CDYL2: variants seen among roughly 807,000 people sequenced by gnomAD.
CDYL2 encodes the protein chromodomain Y-like protein 2.
A neutral mutation model predicts 49.4 loss-of-function variants in CDYL2; 23 were observed. The observed-to-expected ratio is 0.47, with a 90% CI of 0.34 to 0.66. The LOEUF (loss-of-function observed/expected upper bound fraction) is 0.66, where lower values mean the gene tolerates loss of function less well. Among genes scored for constraint, CDYL2 ranks in the 30% least tolerant of loss-of-function variants. The pLI is 0.01. For missense variants in CDYL2, 678 were observed against 656.4 expected (o/e 1.03, Z -0.36); for synonymous variants, 360 against 268.8 (o/e 1.34, Z -3.32).
At position 80,734,870 on chromosome 16, in the gene CDYL2, C is replaced by A. The variant is rs138006109; in HGVS notation, c.25-49741G>T. ...AGAAGTCATAATGGACCTGCCACCA[C>A]GATATGGTCCAATGACTGACAATCC... On this transcript the variant is annotated intron_variant, in intron 1 of 6. Transcript: ENST00000570137. Among the ~76,000 whole-genome samples the A allele has an allele frequency of 6.6e-5, 10 of 152,288 alleles. No individual in the cohort carries two copies. The East Asian group carries it at 1.9e-3, about 29-fold the overall frequency.
In CDYL2 at chr16:80,804,542, GCGC is replaced by G. The variant is rs1908041061; in HGVS notation, c.-372_-370del. Among the ~76,000 whole-genome samples, 1 of 144,256 alleles carries G rather than the reference GCGC, an allele frequency of 6.9e-6. No homozygotes were observed. Among genetic ancestry groups the G allele is most frequent in the Non-Finnish European group, 1.5e-5 (1 of 65,090 alleles). 94.6% of individuals were successfully genotyped at this position (144,256 alleles called of 152,430 possible). ...CTGCAGCCGGCAACGGCTCGCCCCG[GCGC>G]CGCCTGCAGGAAGCCGCCCGGCGCC... On this transcript the variant is annotated 5_prime_UTR_variant, in exon 1 of 7. Transcript: ENST00000570137.
At chr16:80,687,347 T>A (rs893968496) in intron 1 of CDYL2, among the ~76,000 whole-genome samples, 1 of 152,134 alleles carries the variant, frequency 6.6e-6, no homozygotes, top group South Asian at 2.1e-4. Context: ...GTTAGACAAA[T>A]AGCCAACACA....
intron 2 of CDYL2, among the ~76,000 whole-genome samples, chr16:80,647,560 G>C (rs1159485208): frequency 6.6e-6 from 1 of 152,068 alleles, no homozygotes; most frequent in Non-Finnish European, 1.5e-5. Context: ...TATTATTAGA[G>C]CTAAAGAGAC....
intron 3 of CDYL2, among the ~76,000 whole-genome samples, chr16:80,627,067 A>T (rs1233573995): frequency 6.6e-6 from 1 of 152,192 alleles, no homozygotes; most frequent in Non-Finnish European, 1.5e-5. Context: ...TTTTGGTGGA[A>T]AAAACAGGGC....
intron 1 of CDYL2, among the ~76,000 whole-genome samples, chr16:80,730,833 C>G (rs907958039): frequency 6.6e-6 from 1 of 152,102 alleles, no homozygotes; most frequent in Non-Finnish European, 1.5e-5. Context: ...AGTAATTATA[C>G]TTAAAGAAGC....
intron 1 of CDYL2, among the ~76,000 whole-genome samples, chr16:80,729,735 A>G (rs532155824): frequency 6.6e-6 from 1 of 152,320 alleles, no homozygotes; most frequent in African/African-American, 2.4e-5. Context: ...AAAGAACAGA[A>G]ATTATAACAA....
intron 1 of CDYL2, among the ~76,000 whole-genome samples, chr16:80,791,850 G>C (rs1036416493): frequency 6.6e-6 from 1 of 152,162 alleles, no homozygotes; most frequent in Non-Finnish European, 1.5e-5. Flanking sequence ...GGACATTGTT[G>C]AAAGACTCAT....
chr16:80,621,596 A>C (rs1381329571), intron 3 of CDYL2, among the ~76,000 whole-genome samples: 2 of 152,262 alleles, frequency 1.3e-5, no homozygotes, highest in African/African-American at 4.8e-5. Context: ...CCTCCAGTGA[A>C]GAATAAATGA....
At chr16:80,680,082 T>C (rs575913731) in intron 2 of CDYL2, among the ~76,000 whole-genome samples, 1 of 152,332 alleles carries the variant, frequency 6.6e-6, no homozygotes, top group South Asian at 2.1e-4. Context: ...GGAAAAATGA[T>C]AATCATGTTG....
chr16:80,638,835 A>T (rs1055774642), intron 2 of CDYL2, among the ~76,000 whole-genome samples: 1 of 152,214 alleles, frequency 6.6e-6, no homozygotes, highest in African/African-American at 2.4e-5. Context: ...AATTAACTCA[A>T]TATGAATCAT....
chr16:80,608,208 T>G lies in CDYL2; in HGVS notation c.1246A>C (p.Lys416Gln). 1.3e-6 allele frequency: 2 copies of G among 1,589,010 alleles called. No homozygotes were observed. The highest frequency in any genetic ancestry group is 1.7e-6 in the Non-Finnish European group (2 of 1,167,082). The stretch of plus-strand genomic sequence containing the variant: ...CTGCAGGCCTCCTGGGCGGTGAGCT[T>G]CCGCCCACAGAACAGCATCTCATTG... ...LANEMLFCGRKLTAQEACSRG... is the reference protein window; with the variant it reads ...LANEMLFCGRQLTAQEACSRG... The change falls in exon 6 of 7, where the codon AAG becomes CAG. Residue 416 changes from lysine to glutamine, a missense_variant. Physicochemically the swap from Lys to Gln is moderately conservative, Grantham distance 53 (BLOSUM62 1). Coordinates refer to ENST00000570137, the MANE Select transcript of CDYL2 (RefSeq NM_152342.4).
intron 1 of CDYL2, among the ~76,000 whole-genome samples, chr16:80,774,436 C>T (rs1305569217): frequency 6.6e-6 from 1 of 152,022 alleles, no homozygotes; most frequent in African/African-American, 2.4e-5. Context: ...TCAACAGGTG[C>T]AAAGCTTCAG....
chr16:80,666,995 G>C lies in CDYL2; in HGVS notation c.616+17543C>G, dbSNP rs148674758. Among the ~76,000 whole-genome samples the C allele has an allele frequency of 3.3e-3, 501 of 152,334 alleles. 4 individuals are homozygous for C. Among genetic ancestry groups the C allele is most frequent in the African/African-American group, 0.012 (484 of 41,566 alleles). ...GAGGCAGAGATTACCCGAATAATCAGTGTGACCACTACAAACCGAGGTCAG... is the reference window on the plus strand; with the variant it reads ...GAGGCAGAGATTACCCGAATAATCACTGTGACCACTACAAACCGAGGTCAG... On this transcript the variant is annotated intron_variant, in intron 2 of 6. Coordinates refer to ENST00000570137, the MANE Select transcript of CDYL2 (RefSeq NM_152342.4).
At chr16:80,656,091 T>C (rs186814637) in intron 2 of CDYL2, among the ~76,000 whole-genome samples, 1 of 152,310 alleles carries the variant, frequency 6.6e-6, no homozygotes, top group East Asian at 1.9e-4. Context: ...TGAGATTCAA[T>C]CTTACTTAGT....
chr16:80,628,070 C>T (rs1907383592), intron 3 of CDYL2: 2 of 152,228 alleles, frequency 1.3e-5, no homozygotes, highest in African/African-American at 4.8e-5. Context: ...TCAAATGCAA[C>T]CACCTTCAAG....
intron 2 of CDYL2, among the ~76,000 whole-genome samples, chr16:80,635,154 G>C (rs1011080147): frequency 1.3e-5 from 2 of 152,158 alleles, no homozygotes; most frequent in Non-Finnish European, 2.9e-5. Context: ...TCAATATTTG[G>C]AAACCAATCA....
At chr16:80,769,288 C>T (rs1454080302) in intron 1 of CDYL2, among the ~76,000 whole-genome samples, 1 of 152,122 alleles carries the variant, frequency 6.6e-6, no homozygotes, top group African/African-American at 2.4e-5. Flanking sequence ...CAAAAGGCTA[C>T]AAGACTAGAA....
intron 2 of CDYL2, among the ~76,000 whole-genome samples, chr16:80,661,982 C>G (rs1203761195): frequency 2.6e-5 from 4 of 152,190 alleles, no homozygotes; most frequent in Admixed American, 6.5e-5. Context: ...CTCCAGCAAT[C>G]ACAACATACC....
At position 80,600,447 on chromosome 16, in the gene CDYL2, T is replaced by C. The variant is rs1906033560; in HGVS notation, c.*3941A>G. 1 of 152,138 alleles carries C rather than the reference T, an allele frequency of 6.6e-6. No individual in the cohort carries two copies. The highest frequency in any genetic ancestry group is 2.1e-4 in the South Asian group (1 of 4,822). 9.4% of individuals were successfully genotyped at this position (152,138 alleles called of 1,614,324 possible). On this transcript the variant is annotated 3_prime_UTR_variant, in exon 7 of 7. Transcript: ENST00000570137. Reference sequence around the variant, plus strand: ...AAGCAACACTTATCTACAACAAAAATATACATGCAAGACAACCCCAAATGG... The same window carrying C: ...AAGCAACACTTATCTACAACAAAAACATACATGCAAGACAACCCCAAATGG...
Sources: gnomAD v4.1 joint callset for allele counts (sites outside exome capture counted in the v4.1 genomes callset) on GRCh38, gnomAD v4.1.1 for gene constraint, MANE v1.5 for transcripts, NCBI Gene and HGNC (gene_info 2026-07-23, HGNC 2026-07-21) for gene names.